The following PDE8B variants were observed in gnomAD, a reference collection of about 807,000 sequenced individuals.
The protein encoded by PDE8B is high affinity cAMP-specific and IBMX-insensitive 3',5'-cyclic phosphodiesterase 8B.
PDE8B carries 26 observed loss-of-function variants against 101.3 expected under a neutral mutation model. That is an observed-to-expected ratio of 0.26 (90% CI 0.19 to 0.36). The LOEUF (loss-of-function observed/expected upper bound fraction) is 0.36, where lower values mean the gene tolerates loss of function less well. PDE8B is among the 10% of genes least tolerant of loss of function. The pLI is 1.00. For synonymous variants in PDE8B, 424 were observed against 429.3 expected (o/e 0.99, Z 0.15); for missense variants, 810 against 1,163.1 (o/e 0.70, Z 4.42).
intron 1 of PDE8B, among the ~76,000 whole-genome samples, chr5:77,259,978 A>G (rs1368587756): frequency 6.6e-6 from 1 of 152,130 alleles, no homozygotes; most frequent in Non-Finnish European, 1.5e-5. Context: ...CCTGGCCAAC[A>G]TGGTGAAACC....
chr5:77,092,635 T>TG, the PDE8B span: 2 of 152,226 alleles, frequency 1.3e-5, no homozygotes, highest in Non-Finnish European at 2.9e-5. Flanking sequence ...ACTTTGAGGC[T>TG]GGGCCCAGTG....
At position 77,311,978 on chromosome 5, in the gene PDE8B, G is replaced by T; in HGVS notation, c.340-16G>T. The T allele has an allele frequency of 6.2e-7, 1 of 1,608,994 alleles. No individual in the cohort carries two copies. Among genetic ancestry groups the T allele is most frequent in the Non-Finnish European group, 8.5e-7 (1 of 1,175,370 alleles). On this transcript the variant is annotated splice_polypyrimidine_tract_variant and intron_variant, in intron 1 of 21. Coordinates refer to ENST00000264917, the MANE Select transcript of PDE8B (RefSeq NM_003719.5). Reference sequence around the variant, plus strand: ...GTTTAAGACTTGACGCTTCTCTTGTGCTGTCCTTTATTTAGCAGGTGTCTT... The same window carrying T: ...GTTTAAGACTTGACGCTTCTCTTGTTCTGTCCTTTATTTAGCAGGTGTCTT...
chr5:77,350,893 G>T (rs1050887760), intron 8 of PDE8B, among the ~76,000 whole-genome samples, 172 bp from the exon 9 acceptor site: 2 of 152,194 alleles, frequency 1.3e-5, no homozygotes, highest in East Asian at 3.9e-4. Context: ...CTGTGGTCTT[G>T]TTTTCACACA....
At chr5:77,295,214 C>T (rs1006332032) in intron 1 of PDE8B, among the ~76,000 whole-genome samples, 3 of 152,190 alleles carry the variant, frequency 2.0e-5, no homozygotes, top group Admixed American at 2.0e-4. Flanking sequence ...ATTCTACATT[C>T]AGCCAAACTG....
the PDE8B span, among the ~76,000 whole-genome samples, chr5:77,196,223 A>G: frequency 6.6e-5 from 10 of 152,176 alleles, no homozygotes; most frequent in African/African-American, 2.4e-4. Context: ...CATTCTTTGC[A>G]TTGTGTTGTT....
chr5:77,339,730 A>G (rs371022698), intron 6 of PDE8B, among the ~76,000 whole-genome samples: 1 of 152,176 alleles, frequency 6.6e-6, no homozygotes, highest in African/African-American at 2.4e-5. Context: ...CTAAATATGT[A>G]TCATTACTGT....
intron 1 of PDE8B, among the ~76,000 whole-genome samples, chr5:77,216,831 G>T (rs1389775536): frequency 6.6e-6 from 1 of 152,166 alleles, no homozygotes; most frequent in Non-Finnish European, 1.5e-5. Flanking sequence ...GTTGATTGGG[G>T]TTTTCCAGGG....
intron 1 of PDE8B, among the ~76,000 whole-genome samples, chr5:77,309,265 GAGAGAA>G (rs1450399855): frequency 8.6e-5 from 13 of 151,934 alleles, no homozygotes; most frequent in Admixed American, 7.9e-4. Context: ...AGAGGAAAGA[GAGAGAA>G]AGAAAGAGAG....
the PDE8B span, among the ~76,000 whole-genome samples, chr5:77,168,089 C>A: frequency 1.3e-5 from 2 of 152,184 alleles, no homozygotes; most frequent in African/African-American, 4.8e-5. Context: ...CTGTTGGGAA[C>A]CAAGTGATGA....
intron 1 of PDE8B, among the ~76,000 whole-genome samples, chr5:77,273,812 ATTTATTT>A (rs1364685872): frequency 5.3e-4 from 80 of 150,532 alleles, no homozygotes; most frequent in African/African-American, 1.7e-3. Context: ...TTTTTTTTTT[ATTTATTT>A]TTTATTTTTT....
At chr5:77,202,846 C>A in the PDE8B span, among the ~76,000 whole-genome samples, 1 of 152,092 alleles carries the variant, frequency 6.6e-6, no homozygotes, top group South Asian at 2.1e-4. Context: ...GTGATCCGCC[C>A]ACCTTGGGCT....
chr5:77,106,265 C>T, the PDE8B span: 1 of 152,160 alleles, frequency 6.6e-6, no homozygotes, highest in Admixed American at 6.5e-5. Context: ...AAGATTTTCT[C>T]CTAGGTTTTC....
At chr5:77,388,618 TCTC>T (rs1789243857) in intron 10 of PDE8B, among the ~76,000 whole-genome samples, 2 of 152,142 alleles carry the variant, frequency 1.3e-5, no homozygotes, top group Non-Finnish European at 2.9e-5. Flanking sequence ...GATCCGCTGC[TCTC>T]CTCAGAGCTG....
At chr5:77,220,430 CTTA>C (rs1029670116) in intron 1 of PDE8B, among the ~76,000 whole-genome samples, 2 of 152,170 alleles carry the variant, frequency 1.3e-5, no homozygotes, top group Admixed American at 6.5e-5. Context: ...GTTGGAATCT[CTTA>C]TTATATCAAA....
At chr5:77,194,890 G>T in the PDE8B span, among the ~76,000 whole-genome samples, 2 of 152,116 alleles carry the variant, frequency 1.3e-5, no homozygotes, top group Admixed American at 6.5e-5. Context: ...AAATAGTGCT[G>T]CTATTAAACA....
At chr5:77,406,060 G>C (rs1233932403) in intron 12 of PDE8B, among the ~76,000 whole-genome samples, 1 of 152,140 alleles carries the variant, frequency 6.6e-6, no homozygotes, top group African/African-American at 2.4e-5. Context: ...GCTGAGGCAG[G>C]CGGATCACCT....
chr5:77,253,718 A>G (rs1758543600), intron 1 of PDE8B, among the ~76,000 whole-genome samples: 1 of 152,114 alleles, frequency 6.6e-6, no homozygotes, highest in African/African-American at 2.4e-5. Context: ...GCAGCTGTAT[A>G]CCCCTGGCTC....
At chr5:77,408,252 G>T (rs1793874751) in intron 13 of PDE8B, among the ~76,000 whole-genome samples, 2 of 152,210 alleles carry the variant, frequency 1.3e-5, no homozygotes, top group Non-Finnish European at 2.9e-5. Context: ...ATTATGTCAG[G>T]CATGGCCCTC....
At chr5:77,236,696 G>T (rs928535636) in intron 1 of PDE8B, among the ~76,000 whole-genome samples, 8 of 152,134 alleles carry the variant, frequency 5.3e-5, no homozygotes, top group Non-Finnish European at 7.4e-5. Flanking sequence ...AGAGAGAATG[G>T]GGGAGAGTAA....
Sources: gnomAD v4.1 joint callset for allele counts (sites outside exome capture counted in the v4.1 genomes callset) on GRCh38, gnomAD v4.1.1 for gene constraint, MANE v1.5 for transcripts, NCBI Gene and HGNC (gene_info 2026-07-23, HGNC 2026-07-21) for gene names.